CPQ: variants seen among roughly 807,000 people sequenced by gnomAD.
The protein encoded by CPQ is Ser-Met dipeptidase.
CPQ carries 37 observed loss-of-function variants against 45.7 expected under a neutral mutation model. The observed-to-expected ratio is 0.81, with a 90% CI of 0.62 to 1.07. The LOEUF (loss-of-function observed/expected upper bound fraction) is 1.07, where lower values mean the gene tolerates loss of function less well. Among genes scored for constraint, CPQ ranks in the 50% least tolerant of loss-of-function variants. The pLI, the probability that CPQ is intolerant of heterozygous loss-of-function variation, is 0.00. For missense variants in CPQ, 537 were observed against 572.9 expected (o/e 0.94, Z 0.64); for synonymous variants, 186 against 205.8 (o/e 0.90, Z 0.82).
At chr8:96,653,092 G>C (rs1586345750) in intron 1 of CPQ, among the ~76,000 whole-genome samples, 1 of 152,082 alleles carries the variant, frequency 6.6e-6, no homozygotes, top group African/African-American at 2.4e-5. Flanking sequence ...ACTGGGCCTG[G>C]CTAATTTTTG....
rs143898636 is a variant in CPQ, at chr8:97,046,253, C to G, written c.1053+16759C>G. 2.2e-4 allele frequency among the ~76,000 whole-genome samples: 34 copies of G among 151,510 alleles called. No individual in the cohort carries two copies. The East Asian group carries it at 3.7e-3, about 17-fold the overall frequency. On this transcript the variant is annotated intron_variant, in intron 6 of 7. Coordinates refer to ENST00000220763, the MANE Select transcript of CPQ (RefSeq NM_016134.4). ...ATACTTTTTTTTTTCCTAAGCAGATCGGAACTTCTATTCCTTTTTTTTTTT... is the reference window on the plus strand; with the variant it reads ...ATACTTTTTTTTTTCCTAAGCAGATGGGAACTTCTATTCCTTTTTTTTTTT...
chr8:96,882,166 CTT>C (rs898873305), intron 4 of CPQ, among the ~76,000 whole-genome samples: 1 of 152,292 alleles, frequency 6.6e-6, no homozygotes, highest in South Asian at 2.1e-4. Flanking sequence ...GCTCAGGACT[CTT>C]TTCCCTCTTC....
intron 6 of CPQ, among the ~76,000 whole-genome samples, chr8:97,057,165 A>G (rs2130514831): frequency 6.6e-6 from 1 of 152,300 alleles, no homozygotes; most frequent in East Asian, 1.9e-4. Context: ...TTCCTAGGGC[A>G]AACAAAAATG....
intron 5 of CPQ, among the ~76,000 whole-genome samples, chr8:96,993,690 G>A (rs1242619834): frequency 2.6e-5 from 4 of 151,920 alleles, no homozygotes; most frequent in East Asian, 3.9e-4. Context: ...TGCATACATA[G>A]CAAAACCAAT....
intron 1 of CPQ, among the ~76,000 whole-genome samples, chr8:96,674,351 A>G (rs1809046973): frequency 6.6e-6 from 1 of 152,178 alleles, no homozygotes; most frequent in African/African-American, 2.4e-5. Context: ...TTTACATCTC[A>G]TTAATGTCAA....
At chr8:96,859,733 T>C (rs1423705423) in intron 3 of CPQ, among the ~76,000 whole-genome samples, 2 of 152,158 alleles carry the variant, frequency 1.3e-5, no homozygotes, top group African/African-American at 4.8e-5. Context: ...GAAGTAGAAC[T>C]TCTCCCTCAT....
intron 1 of CPQ, among the ~76,000 whole-genome samples, chr8:96,718,427 C>A (rs982123910): frequency 2.0e-5 from 3 of 152,102 alleles, no homozygotes; most frequent in African/African-American, 7.2e-5. Context: ...GTGAGTGTTA[C>A]AGCTCTTAAG....
intron 7 of CPQ, among the ~76,000 whole-genome samples, chr8:97,114,847 T>C (rs569398433): frequency 6.6e-6 from 1 of 152,326 alleles, no homozygotes; most frequent in South Asian, 2.1e-4. Context: ...TTTCATTTCC[T>C]CTCTCTGGCT....
Position 96,785,347 on chromosome 8 carries a change from C to T in CPQ, c.433+17C>T. Reference sequence around the variant, plus strand: ...CTCCAGAAGGTATTGTTTGTCTTTTCAGTTTGATTTGTATTTTATAAAACT... The same window carrying T: ...CTCCAGAAGGTATTGTTTGTCTTTTTAGTTTGATTTGTATTTTATAAAACT... On this transcript the variant is annotated intron_variant, in intron 2 of 7. Transcript: ENST00000220763. The T allele has an allele frequency of 6.4e-7, 1 of 1,557,250 alleles. No homozygotes were observed. Among genetic ancestry groups the T allele is most frequent in the Non-Finnish European group, 8.7e-7 (1 of 1,150,406 alleles).
intron 1 of CPQ, among the ~76,000 whole-genome samples, chr8:96,651,566 C>T (rs961535757): frequency 4.6e-5 from 7 of 152,066 alleles, no homozygotes; most frequent in African/African-American, 1.7e-4. Flanking sequence ...TTGTAGGACA[C>T]TTTAGATCTG....
At chr8:97,119,443 TAA>T (rs34411965) in intron 7 of CPQ, among the ~76,000 whole-genome samples, 9 of 143,962 alleles carry the variant, frequency 6.3e-5, no homozygotes, top group African/African-American at 7.6e-5. Flanking sequence ...TCTTACACTG[TAA>T]AAAAAAAAAA....
intron 7 of CPQ, among the ~76,000 whole-genome samples, chr8:97,126,999 C>A (rs1167246017): frequency 6.6e-6 from 1 of 152,086 alleles, no homozygotes; most frequent in African/African-American, 2.4e-5. Flanking sequence ...TTATCTCATA[C>A]CCTGCACAAA....
chr8:96,958,342 A>G (rs977844185), intron 4 of CPQ, among the ~76,000 whole-genome samples: 1 of 152,164 alleles, frequency 6.6e-6, no homozygotes, highest in Admixed American at 6.6e-5. Flanking sequence ...TTCAAATACA[A>G]TGTTGTAATT....
intron 7 of CPQ, among the ~76,000 whole-genome samples, chr8:97,090,627 A>G (rs1328302933): frequency 6.6e-6 from 1 of 152,178 alleles, no homozygotes; most frequent in Non-Finnish European, 1.5e-5. Context: ...GAGATCAACC[A>G]TATTTGACTC....
chr8:96,740,401 T>C lies in CPQ; in HGVS notation c.-34-44463T>C, dbSNP rs576017277. 1.1e-4 allele frequency among the ~76,000 whole-genome samples: 17 copies of C among 152,242 alleles called. No individual in the cohort carries two copies. In the East Asian group the frequency reaches 3.1e-3, roughly 28 times the overall value. ...GTTTTCTAGATATACAATCATGTCA[T>C]CTGCAAACAGGGACAATTTGACTTC... On this transcript the variant is annotated intron_variant, in intron 1 of 7. Transcript: ENST00000220763.
At chr8:97,075,706 G>A (rs995528892) in intron 7 of CPQ, among the ~76,000 whole-genome samples, 2 of 152,100 alleles carry the variant, frequency 1.3e-5, no homozygotes, top group African/African-American at 4.8e-5. Flanking sequence ...AAATAATTAG[G>A]AAATGTAGAA....
chr8:96,726,171 G>A (rs1346519170), intron 1 of CPQ, among the ~76,000 whole-genome samples: 4 of 151,992 alleles, frequency 2.6e-5, no homozygotes, highest in Admixed American at 6.6e-5. Flanking sequence ...GGGATCATTC[G>A]TACCCCAAAC....
In CPQ at chr8:96,764,899, A is replaced by G. The variant is rs111552534; in HGVS notation, c.-34-19965A>G. ...GTTCAGTACCTTTGAATTAAATTGC[A>G]TGTTCAGCTTTGGTTCTAGTTGCTA... On this transcript the variant is annotated intron_variant, in intron 1 of 7. Coordinates refer to ENST00000220763, the MANE Select transcript of CPQ (RefSeq NM_016134.4). Among the ~76,000 whole-genome samples, 1,026 of 152,342 alleles carry G rather than the reference A, an allele frequency of 6.7e-3. 12 individuals are homozygous for G. Among genetic ancestry groups the G allele is most frequent in the African/African-American group, 0.023 (958 of 41,576 alleles).
chr8:97,013,678 T>G (rs1184438238), intron 5 of CPQ, among the ~76,000 whole-genome samples: 1 of 151,878 alleles, frequency 6.6e-6, no homozygotes, highest in Admixed American at 6.6e-5. Flanking sequence ...GGAAAGAAAG[T>G]GAGGAGGCCA....
Sources: allele counts gnomAD v4.1 joint callset (sites outside exome capture counted in the v4.1 genomes callset), GRCh38; gene constraint gnomAD v4.1.1; transcripts MANE v1.5; gene names NCBI Gene and HGNC (gene_info 2026-07-23, HGNC 2026-07-21).